CRK: variants seen among roughly 807,000 people sequenced by gnomAD.
The protein encoded by CRK is adapter molecule crk.
CRK carries 4 observed loss-of-function variants against 29.8 expected under a neutral mutation model. That is an observed-to-expected ratio of 0.13 (90% CI 0.07 to 0.31). The LOEUF is 0.31. Among genes scored for constraint, CRK ranks in the 10% least tolerant of loss-of-function variants. CRK has a pLI of 1.00. For missense variants in CRK, 274 were observed against 396.5 expected (o/e 0.69, Z 2.62); for synonymous variants, 153 against 164.9 (o/e 0.93, Z 0.55).
rs191639694 is a variant in CRK, at chr17:1,439,008, A to T, written c.242-1853T>A. On this transcript the variant is annotated intron_variant, in intron 1 of 2. Transcript: ENST00000300574. ...GCCACCACGCCCGGCTAATTTTTGT[A>T]TTTTTTGTAGAGATGGGGTTTCACC... Among the ~76,000 whole-genome samples the T allele has an allele frequency of 4.9e-3, 740 of 149,984 alleles. 5 individuals are homozygous for T. Among genetic ancestry groups the T allele is most frequent in the Non-Finnish European group, 8.3e-3 (562 of 67,384 alleles).
chr17:1,432,476 T>TAAAAA (rs59669841), intron 2 of CRK, among the ~76,000 whole-genome samples: 26 of 100,926 alleles, frequency 2.6e-4, no homozygotes, highest in African/African-American at 1.0e-3. Flanking sequence ...GACCTTGTCT[T>TAAAAA]AAAAAAAAAA....
chr17:1,454,768 T>C (rs2074043526), intron 1 of CRK, among the ~76,000 whole-genome samples: 1 of 152,106 alleles, frequency 6.6e-6, no homozygotes, highest in Non-Finnish European at 1.5e-5. Context: ...CAGGTACACA[T>C]ACAATGAGAA....
chr17:1,428,387 G>A (rs959049539), intron 2 of CRK, among the ~76,000 whole-genome samples: 18 of 152,080 alleles, frequency 1.2e-4, no homozygotes, highest in African/African-American at 4.1e-4. Context: ...AATGTGCTGG[G>A]ATTACAGGTG....
At chr17:1,453,282 T>C (rs1482706096) in intron 1 of CRK, among the ~76,000 whole-genome samples, 1 of 152,184 alleles carries the variant, frequency 6.6e-6, no homozygotes, top group Admixed American at 6.6e-5. Flanking sequence ...TGCTCGATTA[T>C]CACGGTAAGT....
At chr17:1,454,304 G>A (rs1474601339) in intron 1 of CRK, among the ~76,000 whole-genome samples, 1 of 152,104 alleles carries the variant, frequency 6.6e-6, no homozygotes, top group East Asian at 1.9e-4. Context: ...ACTTTGGGAG[G>A]CCGAGGCTGG....
chr17:1,455,510 G>A (rs370755100), intron 1 of CRK, among the ~76,000 whole-genome samples: 24 of 152,292 alleles, frequency 1.6e-4, no homozygotes, highest in African/African-American at 4.6e-4. Context: ...TTCATTCTGG[G>A]CGCCGCTGCC....
rs1237445672 is a variant in CRK at position 1,436,678 on chromosome 17, G to C, written c.719C>G (p.Ala240Gly). Residue 240 changes from alanine to glycine, a missense_variant, in exon 2 of 3, where the codon GCC becomes GGC. By Grantham distance (60) the Ala-to-Gly change is moderately conservative. This residue lies in a region of CRK where 121 missense variants were observed against 154.3 expected (regional missense o/e 0.78). Coordinates refer to ENST00000300574, the MANE Select transcript of CRK (RefSeq NM_016823.4). The stretch of plus-strand genomic sequence containing the variant: ...GGGGACTCGCTTCTGGATAACCCTG[G>C]CATATATGGGCCCATTCTGGAGGTT... ...LPNLQNGPIY[A>G]RVIQKRVPNA... 2.5e-6 allele frequency: 4 copies of C among 1,612,628 alleles called. No homozygotes were observed. Among genetic ancestry groups the C allele is most frequent in the Non-Finnish European group, 3.4e-6 (4 of 1,179,518 alleles).
chr17:1,428,158 A>T (rs1445016386), intron 2 of CRK, among the ~76,000 whole-genome samples: 1 of 142,310 alleles, frequency 7.0e-6, no homozygotes. Flanking sequence ...TGCTCTTGTC[A>T]CCCAGGCTGG....
At chr17:1,448,204 C>G in intron 1 of CRK, among the ~76,000 whole-genome samples, 1 of 152,188 alleles carries the variant, frequency 6.6e-6, no homozygotes, top group South Asian at 2.1e-4. Context: ...GGTATGAGGA[C>G]GGTCCTTTGC....
chr17:1,446,844 C>T (rs924680974), intron 1 of CRK, among the ~76,000 whole-genome samples: 2 of 152,100 alleles, frequency 1.3e-5, no homozygotes, highest in African/African-American at 2.4e-5. Flanking sequence ...CCGCCCGCCT[C>T]GGCCTCCCAA....
Position 1,437,111 on chromosome 17 carries a change from A to T in CRK, c.286T>A (p.Ser96Thr), listed in dbSNP as rs1420488676. ...TAGAATTCCAGTAAAGCAGGCAATG[A>T]ATCAAACTCTTGATCTCCTATTCGG... Reference protein sequence around the residue: ...RLRIGDQEFDSLPALLEFYKI... With the variant: ...RLRIGDQEFDTLPALLEFYKI... Residue 96 changes from serine (S) to threonine (T), a missense_variant, in exon 2 of 3, where the codon TCA becomes ACA. By Grantham distance (58) the Ser-to-Thr change is moderately conservative. Around this residue, in one of 3 missense-constraint regions of CRK, gnomAD observed 135 missense variants for 180.9 expected, o/e 0.75. Transcript: ENST00000300574. The T allele has an allele frequency of 2.0e-5, 33 of 1,613,828 alleles. No individual in the cohort carries two copies. In the Admixed American group the frequency reaches 5.5e-4, roughly 27 times the overall value.
At chr17:1,429,693 G>A (rs886982771) in intron 2 of CRK, among the ~76,000 whole-genome samples, 3 of 151,662 alleles carry the variant, frequency 2.0e-5, no homozygotes, top group Admixed American at 6.6e-5. Context: ...TGTGAGGCCC[G>A]AGCAGGAGGA....
At chr17:1,426,902 T>C (rs2073784051) in intron 2 of CRK, among the ~76,000 whole-genome samples, 2 of 151,024 alleles carry the variant, frequency 1.3e-5, no homozygotes, top group Non-Finnish European at 3.0e-5. Context: ...CATAGTAGTG[T>C]GCGCCTGTGG....
Position 1,420,849 on chromosome 17 carries a change from A to G in CRK, c.*2664T>C, listed in dbSNP as rs1156792511. The G allele has an allele frequency of 2.0e-5, 3 of 152,144 alleles. No individual in the cohort carries two copies. Among genetic ancestry groups the G allele is most frequent in the East Asian group, 3.8e-4 (2 of 5,198 alleles). The allele number at this position is 152,144 out of a possible 1,614,324, so 9.4% of individuals were successfully genotyped here. On this transcript the variant is annotated 3_prime_UTR_variant, in exon 3 of 3. Coordinates refer to ENST00000300574, the MANE Select transcript of CRK (RefSeq NM_016823.4). ...TTATAATACAATGGCACATGTTTATATTTTATTTCAAATTGGTTTGCTTAT... is the reference window on the plus strand; with the variant it reads ...TTATAATACAATGGCACATGTTTATGTTTTATTTCAAATTGGTTTGCTTAT...
chr17:1,447,447 C>T (rs1398656528), intron 1 of CRK, among the ~76,000 whole-genome samples: 1 of 152,084 alleles, frequency 6.6e-6, no homozygotes, highest in African/African-American at 2.4e-5. Context: ...CCAAGCATTT[C>T]AAGCCTCAGG....
chr17:1,448,073 C>T (rs888576922), intron 1 of CRK, among the ~76,000 whole-genome samples: 16 of 152,060 alleles, frequency 1.1e-4, no homozygotes, highest in South Asian at 4.2e-4. Flanking sequence ...ACCCGGGAGG[C>T]GGAACTTGCA....
rs749276099 is a variant in CRK at position 1,450,886 on chromosome 17, CAAACA to C, written c.241+4986_241+4990del. 7.2e-5 allele frequency among the ~76,000 whole-genome samples: 11 copies of C among 151,912 alleles called. No individual in the cohort carries two copies. In the South Asian group the frequency reaches 1.0e-3, roughly 14 times the overall value. On this transcript the variant is annotated intron_variant, in intron 1 of 2. Transcript: ENST00000300574. ...GGGCAACAAGAGCGAAACTCCCTCTCAAACAAAACAAAACAAAACAAATAGGCCGG... is the reference window on the plus strand; with the variant it reads ...GGGCAACAAGAGCGAAACTCCCTCTCAAACAAAACAAAACAAATAGGCCGG...
At chr17:1,455,620 C>T (rs1460176832) in intron 1 of CRK, among the ~76,000 whole-genome samples, 1 of 152,204 alleles carries the variant, frequency 6.6e-6, no homozygotes, top group African/African-American at 2.4e-5. Flanking sequence ...CCAGCCCCAC[C>T]CTGGGGCCGA....
intron 2 of CRK, 96 bp downstream of exon 2, chr17:1,436,524 C>A (rs941342775): frequency 7.6e-7 from 1 of 1,316,390 alleles, no homozygotes; most frequent in Admixed American, 2.7e-5. Context: ...TCTACAACAT[C>A]CCAATGCTGT....
Sources: gnomAD v4.1 joint callset for allele counts (sites outside exome capture counted in the v4.1 genomes callset) on GRCh38, gnomAD v4.1.1 for gene constraint, gnomAD v4.1.1 regional missense constraint, MANE v1.5 for transcripts, NCBI Gene and HGNC (gene_info 2026-07-23, HGNC 2026-07-21) for gene names.